SERPINB12: variants seen among roughly 807,000 people sequenced by gnomAD.
SERPINB12 encodes the protein serpin family B member 12, also known as serpin B12.
A neutral mutation model predicts 41.1 loss-of-function variants in SERPINB12; 57 were observed. The observed-to-expected ratio is 1.39, with a 90% CI of 1.12 to 1.73. The LOEUF is 1.73. Among genes scored for constraint, SERPINB12 ranks in the 40% most tolerant of loss-of-function variants. The pLI is 0.00. For synonymous variants in SERPINB12, 180 were observed against 181.3 expected (o/e 0.99, Z 0.06); for missense variants, 536 against 501.9 (o/e 1.07, Z -0.65).
chr18:63,559,058 C>CTTTTTCTTTCTTTCTTTCTTTCTT (rs778900558), intron 3 of SERPINB12, among the ~76,000 whole-genome samples: 3 of 107,402 alleles, frequency 2.8e-5, no homozygotes, highest in African/African-American at 9.6e-5. Context: ...TTCTTTCTTT[C>CTTTTTCTTTCTTTCTTTCTTTCTT]TCTCCTTCTT....
chr18:63,547,949 G>A (rs552757568), intron 1 of SERPINB12, among the ~76,000 whole-genome samples: 1 of 152,188 alleles, frequency 6.6e-6, no homozygotes, highest in East Asian at 1.9e-4. Flanking sequence ...ATATTATGAA[G>A]GGTTCTCATG....
chr18:63,534,840 C>T, the SERPINB12 span, among the ~76,000 whole-genome samples: 500 of 152,182 alleles, frequency 3.3e-3, 1 homozygote, highest in South Asian at 7.7e-3. Context: ...TGTGATCGAA[C>T]CTATTTGGAA....
In SERPINB12 at chr18:63,566,690, C is replaced by T; in HGVS notation, c.957C>T (p.Phe319=). The T allele has an allele frequency of 1.9e-6, 3 of 1,613,956 alleles. No homozygotes were observed. Among genetic ancestry groups the T allele is most frequent in the Non-Finnish European group, 1.7e-6 (2 of 1,179,908 alleles). ...NMSEESVVLS[F]PRFTLEDSYD... is the part of the protein sequence containing the mutation. The stretch of plus-strand genomic sequence containing the variant: ...CAGAAGAATCGGTGGTCCTGTCCTT[C>T]CCCCGGTTCACCCTGGAAGACAGCT... The change falls in exon 8 of 8, where the codon TTC becomes TTT. Residue 319 remains phenylalanine, a synonymous_variant. Coordinates refer to ENST00000382768, the MANE Select transcript of SERPINB12 (RefSeq NM_001307928.2).
chr18:63,548,175 A>G (rs565745909), intron 1 of SERPINB12, among the ~76,000 whole-genome samples: 1 of 152,168 alleles, frequency 6.6e-6, no homozygotes, highest in Non-Finnish European at 1.5e-5. Context: ...GGAAAGTGGA[A>G]GAAGGTTTTA....
At chr18:63,559,016 T>TTCTTTCTTTCTTTCTTTCTTTCTTTCTC (rs1910787000) in intron 3 of SERPINB12, among the ~76,000 whole-genome samples, 1 of 60,430 alleles carries the variant, frequency 1.7e-5, no homozygotes, top group African/African-American at 4.7e-5. Context: ...CTTTCTTTCT[T>TTCTTTCTTTCTTTCTTTCTTTCTTTCTC]TCTTTCTTTC....
At chr18:63,525,689 A>G in the SERPINB12 span, among the ~76,000 whole-genome samples, 1 of 152,164 alleles carries the variant, frequency 6.6e-6, no homozygotes, top group Non-Finnish European at 1.5e-5. Context: ...TATAGTTACC[A>G]AATTTATTTT....
chr18:63,521,977 G>A, the SERPINB12 span, among the ~76,000 whole-genome samples: 2 of 152,254 alleles, frequency 1.3e-5, no homozygotes, highest in South Asian at 2.1e-4. Flanking sequence ...AAAAGCAATA[G>A]GTAGGACTAC....
chr18:63,526,305 A>ATACTTATT, the SERPINB12 span, among the ~76,000 whole-genome samples: 2 of 152,034 alleles, frequency 1.3e-5, no homozygotes, highest in Non-Finnish European at 2.9e-5. Flanking sequence ...TTATTTACTA[A>ATACTTATT]TACTTATTTA....
At chr18:63,532,963 A>T in the SERPINB12 span, among the ~76,000 whole-genome samples, 1 of 152,014 alleles carries the variant, frequency 6.6e-6, no homozygotes, top group Non-Finnish European at 1.5e-5. Context: ...GTACCTAGTA[A>T]GTACTCCTTT....
intron 1 of SERPINB12, among the ~76,000 whole-genome samples, chr18:63,546,948 A>C (rs1201342764): frequency 6.6e-6 from 1 of 152,228 alleles, no homozygotes; most frequent in Non-Finnish European, 1.5e-5. Context: ...GAGGGCAAGA[A>C]GGTAAATGCT....
At chr18:63,539,775 G>A (rs767773447), upstream of SERPINB12, among the ~76,000 whole-genome samples, 8 of 152,136 alleles carry the variant, frequency 5.3e-5, no homozygotes, top group Non-Finnish European at 1.0e-4. Context: ...ATAGAAGGGA[G>A]AACCAGCTGG....
At chr18:63,545,711 T>A (rs1030661515) in intron 1 of SERPINB12, among the ~76,000 whole-genome samples, 32 of 152,128 alleles carry the variant, frequency 2.1e-4, no homozygotes, top group Admixed American at 9.2e-4. Context: ...AGGCAAGAAC[T>A]CATCCTGTTC....
chr18:63,526,558 A>C, the SERPINB12 span, among the ~76,000 whole-genome samples: 1 of 152,224 alleles, frequency 6.6e-6, no homozygotes, highest in Non-Finnish European at 1.5e-5. Context: ...TTATATTTTT[A>C]TCCAAATTGT....
At chr18:63,546,145 A>G (rs1910382456) in intron 1 of SERPINB12, among the ~76,000 whole-genome samples, 1 of 152,200 alleles carries the variant, frequency 6.6e-6, no homozygotes. Context: ...GTCATGGTTC[A>G]GATAATATTG....
chr18:63,531,071 A>T, the SERPINB12 span, among the ~76,000 whole-genome samples: 1 of 152,196 alleles, frequency 6.6e-6, no homozygotes, highest in South Asian at 2.1e-4. Context: ...TTTCATTACA[A>T]CATTGTAGCC....
the SERPINB12 span, among the ~76,000 whole-genome samples, chr18:63,523,169 C>G: frequency 1.3e-5 from 2 of 152,132 alleles, no homozygotes; most frequent in African/African-American, 4.8e-5. Flanking sequence ...GTTCAAAACA[C>G]TTTATCAAAA....
At chr18:63,539,996 A>C (rs1474858858), upstream of SERPINB12, among the ~76,000 whole-genome samples, 1 of 152,160 alleles carries the variant, frequency 6.6e-6, no homozygotes, top group Non-Finnish European at 1.5e-5. Flanking sequence ...AACACAAGAA[A>C]GGTAGGCTCC....
intron 6 of SERPINB12, among the ~76,000 whole-genome samples, chr18:63,564,842 G>A (rs1911039070): frequency 6.6e-6 from 1 of 152,132 alleles, no homozygotes; most frequent in African/African-American, 2.4e-5. Flanking sequence ...ACTTAACAGT[G>A]GAGATGCTTT....
rs1911124442 is a variant in SERPINB12, at chr18:63,566,879, C to T, written c.1146C>T (p.Ala382=). Reference sequence around the variant, plus strand: ...AAAACGGTACCCAGGCAGCTGCAGCCACTGGGGCTGTTGTCTCGGAAAGGT... The same window carrying T: ...AAAACGGTACCCAGGCAGCTGCAGCTACTGGGGCTGTTGTCTCGGAAAGGT... The part of the protein sequence containing the change: ...VDENGTQAAA[A]TGAVVSERSL... The change falls in exon 8 of 8, where the codon GCC becomes GCT. Residue 382 remains alanine, a synonymous_variant. Coordinates refer to ENST00000382768, the MANE Select transcript of SERPINB12 (RefSeq NM_001307928.2). The T allele has an allele frequency of 6.2e-7, 1 of 1,614,160 alleles. No individual in the cohort carries two copies. The highest frequency in any genetic ancestry group is 8.5e-7 in the Non-Finnish European group (1 of 1,180,016).
Sources: gnomAD v4.1 joint callset for allele counts (sites outside exome capture counted in the v4.1 genomes callset) on GRCh38, gnomAD v4.1.1 for gene constraint, MANE v1.5 for transcripts, NCBI Gene and HGNC (gene_info 2026-07-23, HGNC 2026-07-21) for gene names.